Variants in ZNF891 observed in about 807,000 individuals in gnomAD.
ZNF891 encodes the protein hCG1646157.
For missense variants in ZNF891, 589 were observed against 632.7 expected, an observed-to-expected ratio of 0.93 and a Z score of 0.74; for synonymous variants, 199 against 209.0, an observed-to-expected ratio of 0.95 and a Z score of 0.41.
intron 1 of ZNF891, among the ~76,000 whole-genome samples, chr12:133,127,040 C>G (rs1955825253): frequency 1.4e-5 from 2 of 140,078 alleles, no homozygotes; most frequent in Non-Finnish European, 3.0e-5. Context: ...TCTCGGCTCA[C>G]TGAAACCTCT....
rs1386220100 is a variant in ZNF891 at position 133,120,786 on chromosome 12, C to T, written c.1133G>A (p.Cys378Tyr). ...RTHTGEKPYE[C>Y]NQCGKAFSQK... Reference sequence around the variant, plus strand: ...ACTGAAAGCTTTTCCACATTGATTACATTCATAGGGTTTCTCTCCAGTGTG... The same window carrying T: ...ACTGAAAGCTTTTCCACATTGATTATATTCATAGGGTTTCTCTCCAGTGTG... The change falls in exon 2 of 2, where the codon TGT becomes TAT. Residue 378 changes from cysteine (C) to tyrosine (Y), a missense_variant. By Grantham distance (194) the Cys-to-Tyr change is radical. Transcript: ENST00000537226. 2.5e-6 allele frequency: 4 copies of T among 1,570,664 alleles called. No homozygotes were observed. Among genetic ancestry groups the T allele is most frequent in the South Asian group, 1.2e-5 (1 of 85,874 alleles).
At position 133,114,177 on chromosome 12, in the gene ZNF891, G is replaced by C. The variant is rs951706871; in HGVS notation, c.*6107C>G. On this transcript the variant is annotated 3_prime_UTR_variant, in exon 2 of 2. Coordinates refer to ENST00000537226, the MANE Select transcript of ZNF891 (RefSeq NM_001277291.2). ...AAAAATAAGTCTGTGTAGTGAATGG[G>C]GTGGTGGTGAGTGGGATGAGGGAAG... 4 of 152,142 alleles carry C rather than the reference G, an allele frequency of 2.6e-5. No individual in the cohort carries two copies. The highest frequency in any genetic ancestry group is 9.7e-5 in the African/African-American group (4 of 41,412). The allele number at this position is 152,142 out of a possible 1,614,324, so 9.4% of individuals were successfully genotyped here.
rs1019359215 is a variant in ZNF891, at chr12:133,121,219, T to C, written c.700A>G (p.Asn234Asp). ...GCLKHNSIIN[N>D]YVKNSISEKL... is the part of the protein sequence containing the mutation. The stretch of plus-strand genomic sequence containing the variant: ...TCACTTATAGAGTTTTTCACATAAT[T>C]GTTTATGATTGAATTGTGTTTCAAA... The change falls in exon 2 of 2, where the codon AAT (asparagine) becomes GAT (aspartate). Residue 234 changes from asparagine to aspartate, a missense_variant. Asn to Asp is a conservative substitution (Grantham distance 23). Transcript: ENST00000537226. 3.9e-6 allele frequency: 6 copies of C among 1,535,464 alleles called. No homozygotes were observed. The highest frequency in any genetic ancestry group is 4.4e-6 in the Non-Finnish European group (5 of 1,146,844).
At position 133,121,149 on chromosome 12, in the gene ZNF891, A is replaced by C; in HGVS notation, c.770T>G (p.Phe257Cys). ...SHECDTTLWH[F>C]QRNQTVQKEY... ...TTTTTGTACTGTTTGATTTCTCTGA[A>C]AATGCCATAGAGTTGTATCACATTC... The change falls in exon 2 of 2, where the codon TTT becomes TGT. Residue 257 changes from phenylalanine to cysteine, a missense_variant. Physicochemically the swap from Phe to Cys is radical, Grantham distance 205. Transcript: ENST00000537226. The C allele has an allele frequency of 2.0e-6, 3 of 1,535,286 alleles. No individual in the cohort carries two copies. Among genetic ancestry groups the C allele is most frequent in the Non-Finnish European group, 2.6e-6 (3 of 1,146,650 alleles).
Position 133,110,602 on chromosome 12 carries a change from C to A in ZNF891, c.*9682G>T, listed in dbSNP as rs2137608284. 1 of 152,306 alleles carries A rather than the reference C, an allele frequency of 6.6e-6. No homozygotes were observed. The highest frequency in any genetic ancestry group is 2.1e-4 in the South Asian group (1 of 4,826). 9.4% of individuals were successfully genotyped at this position (152,306 alleles called of 1,614,324 possible). ...TCACAAATAGGTAAAGCTGGGTTAA[C>A]TTTTGTTGCTGTGATGTGCCCAAAA... On this transcript the variant is annotated 3_prime_UTR_variant, in exon 2 of 2. Transcript: ENST00000537226.
intron 1 of ZNF891, among the ~76,000 whole-genome samples, chr12:133,123,304 A>G (rs1005100959): frequency 6.6e-6 from 1 of 152,230 alleles, no homozygotes; most frequent in East Asian, 1.9e-4. Flanking sequence ...TACCTAGAAG[A>G]GTCCTCAGCC....
rs1185000746 is a variant in ZNF891, at chr12:133,112,703, G to GT, written c.*7580dup. ...CTTCATATTTTGAATTCTGCCTAGA[G>GT]TAAGAGGAAGTCTAAAAAGTATCCA... On this transcript the variant is annotated 3_prime_UTR_variant, in exon 2 of 2. Transcript: ENST00000537226. 6.6e-6 allele frequency: 1 copy of GT among 152,210 alleles called. No individual in the cohort carries two copies. The highest frequency in any genetic ancestry group is 2.4e-5 in the African/African-American group (1 of 41,458). 9.4% of individuals were successfully genotyped at this position (152,210 alleles called of 1,614,324 possible).
At chr12:133,128,906 C>G in intron 1 of ZNF891, among the ~76,000 whole-genome samples, 2 of 149,890 alleles carry the variant, frequency 1.3e-5, no homozygotes, top group Middle Eastern at 6.8e-3. Context: ...AACAAAACAA[C>G]AAAAAAACCA....
In ZNF891 at chr12:133,114,457, C is replaced by T. The variant is rs1308045407; in HGVS notation, c.*5827G>A. 1.3e-5 allele frequency: 2 copies of T among 152,238 alleles called. No homozygotes were observed. Among genetic ancestry groups the T allele is most frequent in the Non-Finnish European group, 2.9e-5 (2 of 68,052 alleles). The allele number at this position is 152,238 out of a possible 1,614,324, so 9.4% of individuals were successfully genotyped here. ...AGGCACAGGCCATTGCACCCACCTC[C>T]TTGCAACTTTTACCTTACAATCACT... On this transcript the variant is annotated 3_prime_UTR_variant, in exon 2 of 2. Coordinates refer to ENST00000537226, the MANE Select transcript of ZNF891 (RefSeq NM_001277291.2).
Position 133,121,259 on chromosome 12 carries a change from G to A in ZNF891, c.660C>T (p.Tyr220=). 5 of 1,535,646 alleles carry A rather than the reference G, an allele frequency of 3.3e-6. No individual in the cohort carries two copies. The highest frequency in any genetic ancestry group is 4.4e-6 in the Non-Finnish European group (5 of 1,146,836). ...IFTSKHCQKC[Y]SEIGCLKHNS... The stretch of plus-strand genomic sequence containing the variant: ...TGTGTTTCAAACATCCAATCTCTGA[G>A]TAACATTTTTGGCAATGTTTACTGG... The change falls in exon 2 of 2, where the codon TAC becomes TAT. Residue 220 remains tyrosine (Y), a synonymous_variant. Coordinates refer to ENST00000537226, the MANE Select transcript of ZNF891 (RefSeq NM_001277291.2).
rs1017272972 is a variant in ZNF891, at chr12:133,121,732, C to A, written c.187G>T (p.Ala63Ser). 1 of 1,536,732 alleles carries A rather than the reference C, an allele frequency of 6.5e-7. No homozygotes were observed. The change falls in exon 2 of 2, where the codon GCT becomes TCT. Residue 63 changes from alanine to serine, a missense_variant. Transcript: ENST00000537226. ...ACATCTCTGTACAGACTTCTTTGAG[C>A]AGAATCCAGCATCATCCACTCCTCC... ...TQEEWMMLDS[A>S]QRSLYRDVML...
rs202114710 is a variant in ZNF891 at position 133,106,211 on chromosome 12, C to T, written c.*14073G>A. ...CATTGAATGTGGGAAGGCATTTCGC[C>T]GTTTCTCACACCTTACTCGACATCA... On this transcript the variant is annotated 3_prime_UTR_variant, in exon 2 of 2. Coordinates refer to ENST00000537226, the MANE Select transcript of ZNF891 (RefSeq NM_001277291.2). The T allele has an allele frequency of 4.7e-5, 76 of 1,613,974 alleles. No homozygotes were observed. The highest frequency in any genetic ancestry group is 6.2e-5 in the Non-Finnish European group (73 of 1,180,018).
intron 1 of ZNF891, among the ~76,000 whole-genome samples, chr12:133,128,478 C>CA (rs386378320): frequency 2.2e-3 from 338 of 152,114 alleles, no homozygotes; most frequent in African/African-American, 7.2e-3. Flanking sequence ...CTAAAAAATA[C>CA]AAAAAATTAA....
chr12:133,108,273 C>T lies in ZNF891; in HGVS notation c.*12011G>A, dbSNP rs1432406019. 3.3e-5 allele frequency: 5 copies of T among 150,042 alleles called. No homozygotes were observed. The highest frequency in any genetic ancestry group is 1.3e-4 in the Admixed American group (2 of 15,120). The allele number at this position is 150,042 out of a possible 1,614,324, so 9.3% of individuals were successfully genotyped here. Reference sequence around the variant, plus strand: ...GATTTGGTGTCCTCAAGCAGCATGCCTTATTACATATGGGTATCTAGTATC... The same window carrying T: ...GATTTGGTGTCCTCAAGCAGCATGCTTTATTACATATGGGTATCTAGTATC... On this transcript the variant is annotated 3_prime_UTR_variant, in exon 2 of 2. Transcript: ENST00000537226.
In ZNF891 at chr12:133,121,114, A is replaced by G. The variant is rs565448712; in HGVS notation, c.805T>C (p.Tyr269His). 1.3e-4 allele frequency: 196 copies of G among 1,535,446 alleles called. 1 individual carries two copies. The highest frequency in any genetic ancestry group is 1.6e-4 in the Non-Finnish European group (179 of 1,146,826). Residue 269 changes from tyrosine (Y) to histidine (H), a missense_variant, in exon 2 of 2, where the codon TAT becomes CAT. Coordinates refer to ENST00000537226, the MANE Select transcript of ZNF891 (RefSeq NM_001277291.2). ...RNQTVQKEYT[Y>H]SKHGMHFTHN... is the part of the protein sequence containing the mutation. ...GTGAAGTGCATTCCATGTTTAGAATATGTGTACTCTTTTTGTACTGTTTGA... is the reference window on the plus strand; with the variant it reads ...GTGAAGTGCATTCCATGTTTAGAATGTGTGTACTCTTTTTGTACTGTTTGA...
In ZNF891 at chr12:133,116,284, T is replaced by G. The variant is rs1955714660; in HGVS notation, c.*4000A>C. ...CACACTTGGCTAATTTTTTGTATTT[T>G]TAGTAGAGACGAGGTTTCATCATGT... On this transcript the variant is annotated 3_prime_UTR_variant, in exon 2 of 2. Transcript: ENST00000537226. 1 of 152,250 alleles carries G rather than the reference T, an allele frequency of 6.6e-6. No homozygotes were observed. The highest frequency in any genetic ancestry group is 1.5e-5 in the Non-Finnish European group (1 of 68,174). The allele number at this position is 152,250 out of a possible 1,614,324, so 9.4% of individuals were successfully genotyped here.
chr12:133,105,696 T>C lies in ZNF891; in HGVS notation c.*14588A>G. The stretch of plus-strand genomic sequence containing the variant: ...GAAAATCAGGGATGTATTAGGAAAG[T>C]AACAGTCTCTCATCAAGAAGCCCTG... On this transcript the variant is annotated 3_prime_UTR_variant, in exon 2 of 2. Transcript: ENST00000537226. The C allele has an allele frequency of 6.2e-7, 1 of 1,614,168 alleles. No individual in the cohort carries two copies. The highest frequency in any genetic ancestry group is 1.6e-4 in the Middle Eastern group (1 of 6,062).
intron 1 of ZNF891, among the ~76,000 whole-genome samples, chr12:133,125,151 G>A (rs1955802767): frequency 6.6e-6 from 1 of 151,658 alleles, no homozygotes; most frequent in South Asian, 2.1e-4. Flanking sequence ...GGAAAAATCT[G>A]AACACTGCCT....
intron 1 of ZNF891, chr12:133,125,492 C>A: frequency 6.1e-6 from 1 of 163,152 alleles, no homozygotes; most frequent in African/African-American, 2.4e-5. Context: ...GCACTGATGG[C>A]GAAGAAGGAA....
Sources: gnomAD v4.1 joint callset for allele counts (sites outside exome capture counted in the v4.1 genomes callset) on GRCh38, gnomAD v4.1.1 for gene constraint, MANE v1.5 for transcripts, NCBI Gene and HGNC (gene_info 2026-07-23, HGNC 2026-07-21) for gene names.